Variants in CFL1 observed in about 807,000 individuals in gnomAD.
CFL1 encodes cofilin 1.
In CFL1, 2 loss-of-function variants were observed where a neutral mutation model predicts 16.3. The observed-to-expected ratio is 0.12, with a 90% CI of 0.05 to 0.39. CFL1 has a LOEUF of 0.39. CFL1 is among the 10% of genes least tolerant of loss of function. The pLI is 0.99. For synonymous variants in CFL1, 111 were observed against 84.4 expected (o/e 1.31, Z -1.73); for missense variants, 75 against 212.2 (o/e 0.35, Z 4.02).
chr11:65,857,447 G>T (rs1282226270), intron 1 of CFL1: 3 of 430,238 alleles, frequency 7.0e-6, no homozygotes, highest in Non-Finnish European at 1.4e-5. Context: ...AACGCAGCTC[G>T]TTAGATGCGC....
At chr11:65,857,469 C>T in intron 1 of CFL1, 1 of 404,958 alleles carries the variant, frequency 2.5e-6, no homozygotes, top group Non-Finnish European at 5.1e-6. Context: ...CCCGAACGGG[C>T]CGCGGTCTCT....
chr11:65,856,415 A>T (rs1859386317), intron 1 of CFL1, 173 bp from the exon 2 acceptor site: 1 of 607,826 alleles, frequency 1.6e-6, no homozygotes, highest in South Asian at 2.0e-5. Flanking sequence ...CAACCTCAGA[A>T]TGGCAGCCAT....
intron 1 of CFL1, 43 bp from the exon 2 acceptor site, chr11:65,856,285 G>GAACT: frequency 6.4e-7 from 1 of 1,574,792 alleles, no homozygotes; most frequent in Non-Finnish European, 8.7e-7. Context: ...GGATTCTAGG[G>GAACT]AACTGCCCCT....
chr11:65,854,704 T>G lies in CFL1; in HGVS notation c.*632A>C, dbSNP rs185502186. 6.6e-6 allele frequency: 1 copy of G among 152,352 alleles called. No individual in the cohort carries two copies. 9.4% of individuals were successfully genotyped at this position (152,352 alleles called of 1,614,324 possible). A position where few individuals can be genotyped will look rare whatever the true frequency, so the allele number is the denominator to read the frequency against. On this transcript the variant is annotated 3_prime_UTR_variant, in exon 4 of 4. Transcript: ENST00000308162. ...CCAGATAAGGGTGTGCAGGGGCTGG[T>G]TGGGTGTGGAGTACAGAGGAGAGAG...
chr11:65,855,542 G>A (rs1484677338), intron 3 of CFL1, 94 bp from the exon 4 acceptor site: 5 of 1,552,884 alleles, frequency 3.2e-6, no homozygotes, highest in East Asian at 4.5e-5. Context: ...GCAGATGGAA[G>A]GAACAAGCAG....
Position 65,856,108 on chromosome 11 carries a change from G to A in CFL1, c.138C>T (p.Asn46=), listed in dbSNP as rs1387253943. 5.0e-6 allele frequency: 8 copies of A among 1,614,132 alleles called. No homozygotes were observed. In the South Asian group the frequency reaches 6.6e-5, roughly 13 times the overall value. The change falls in exon 2 of 4, where the codon AAC becomes AAT. Residue 46 remains asparagine (N), a synonymous_variant. Coordinates refer to ENST00000308162, the MANE Select transcript of CFL1 (RefSeq NM_005507.3). ...TCTCCTTGCCCTCCTCCAGGATGAT[G>A]TTCTTCTTGTCCTCACTCAGGCAGA... is the stretch of plus-strand genomic sequence containing the variant. The part of the protein sequence containing the change: ...VLFCLSEDKK[N]IILEEGKEIL...
chr11:65,855,341 A>G lies in CFL1; in HGVS notation c.496T>C (p.Leu166=). The G allele has an allele frequency of 6.2e-7, 1 of 1,611,436 alleles. No individual in the cohort carries two copies. Among genetic ancestry groups the G allele is most frequent in the Non-Finnish European group, 8.5e-7 (1 of 1,179,636 alleles). ...GGCAGGGGGCCAGAAGGGGCTCACA[A>G]AGGCTTGCCCTCCAGGGAGATGACG... ...SAVISLEGKP[L] The change falls in exon 4 of 4, where the codon TTG becomes CTG. Residue 166 remains leucine, a synonymous_variant. Coordinates refer to ENST00000308162, the MANE Select transcript of CFL1 (RefSeq NM_005507.3).
Position 65,855,394 on chromosome 11 carries a change from G to A in CFL1, c.443C>T (p.Thr148Ile). The change falls in exon 4 of 4, where the codon ACC (threonine) becomes ATC (isoleucine). Residue 148 changes from threonine to isoleucine, a missense_variant. Thr to Ile is a moderately conservative substitution (Grantham distance 89). Transcript: ENST00000308162. ...ACTGCCCCCCAGCTTCTCTGCCAGG[G>A]TGCAGCGGTCCTTGACCTCCTCGTA... ...NCYEEVKDRC[T>I]LAEKLGGSAV... The A allele has an allele frequency of 6.2e-7, 1 of 1,613,136 alleles. No homozygotes were observed. The highest frequency in any genetic ancestry group is 8.5e-7 in the Non-Finnish European group (1 of 1,179,852).
chr11:65,856,312 C>G (rs1165521640), intron 1 of CFL1, 70 bp from the exon 2 acceptor site: 1 of 1,497,840 alleles, frequency 6.7e-7, no homozygotes, highest in African/African-American at 1.4e-5. Context: ...TTCAGAAGAT[C>G]TCAGTCCACG....
Position 65,855,550 on chromosome 11 carries a change from C to A in CFL1, c.389-102G>T. The stretch of plus-strand genomic sequence containing the variant: ...AATCAAAGCAGATGGAAGGAACAAG[C>A]AGGCAGCGAAGACAAGGGGGCAGAC... On this transcript the variant is annotated intron_variant, in intron 3 of 3. Coordinates refer to ENST00000308162, the MANE Select transcript of CFL1 (RefSeq NM_005507.3). 1.3e-6 allele frequency: 2 copies of A among 1,552,550 alleles called. 1 individual carries two copies. Among genetic ancestry groups the A allele is most frequent in the Middle Eastern group, 3.4e-4 (2 of 5,934 alleles).
chr11:65,855,608 C>T (rs2134706812), intron 3 of CFL1, 46 bp downstream of exon 3: 1 of 1,558,846 alleles, frequency 6.4e-7, no homozygotes, highest in East Asian at 2.3e-5. Flanking sequence ...TGCCCTGCAG[C>T]CAAGGCCAGA....
At chr11:65,856,626 C>A in intron 1 of CFL1, 1 of 248,498 alleles carries the variant, frequency 4.0e-6, no homozygotes, top group Non-Finnish European at 8.1e-6. Context: ...ATGGAGGACC[C>A]AAACACCTGA....
rs553576037 is a variant in CFL1 at position 65,855,147 on chromosome 11, C to T, written c.*189G>A. 1.3e-4 allele frequency: 77 copies of T among 570,534 alleles called. No individual in the cohort carries two copies. Among genetic ancestry groups the T allele is most frequent in the Non-Finnish European group, 3.5e-5 (11 of 317,414 alleles). 35.3% of individuals were successfully genotyped at this position (570,534 alleles called of 1,614,324 possible). A position where few individuals can be genotyped will look rare whatever the true frequency, so the allele number is the denominator to read the frequency against. On this transcript the variant is annotated 3_prime_UTR_variant, in exon 4 of 4. Transcript: ENST00000308162. Reference sequence around the variant, plus strand: ...AAAAGCAGTTTGGGAAGGCCAGAACCGTCAAGGGATGGAGGGAGAAGGAAA... The same window carrying T: ...AAAAGCAGTTTGGGAAGGCCAGAACTGTCAAGGGATGGAGGGAGAAGGAAA...
At chr11:65,856,885 CA>C (rs1199075972) in intron 1 of CFL1, 1 of 153,484 alleles carries the variant, frequency 6.5e-6, no homozygotes, top group Non-Finnish European at 1.5e-5. Flanking sequence ...ATTAACATGC[CA>C]AACTCAAGTG....
rs58523108 is a variant in CFL1, at chr11:65,857,059, G to A, written c.4-817C>T. 62 of 155,080 alleles carry A rather than the reference G, an allele frequency of 4.0e-4. 1 individual carries two copies. In the East Asian group the frequency reaches 0.01, roughly 25 times the overall value. The allele number at this position is 155,080 out of a possible 1,614,324, so 9.6% of individuals were successfully genotyped here. A position where few individuals can be genotyped will look rare whatever the true frequency, so the allele number is the denominator to read the frequency against. The stretch of plus-strand genomic sequence containing the variant: ...GACTCGGCCGCATCCGGAGTGGGCG[G>A]GGACAGGAGATCGGCTGGGCCCGGC... On this transcript the variant is annotated intron_variant, in intron 1 of 3. Coordinates refer to ENST00000308162, the MANE Select transcript of CFL1 (RefSeq NM_005507.3).
At chr11:65,857,878 A>G (rs956813560) in intron 1 of CFL1, 1 of 337,574 alleles carries the variant, frequency 3.0e-6, no homozygotes, top group East Asian at 4.6e-5. Context: ...CGGGTGGGGG[A>G]GGGGAGCCCA....
intron 1 of CFL1, chr11:65,856,895 T>G (rs1859395394): frequency 6.5e-6 from 1 of 153,354 alleles, no homozygotes; most frequent in Non-Finnish European, 1.5e-5. Flanking sequence ...CAAACTCAAG[T>G]GCCCAGAGGC....
At chr11:65,857,825 C>T in intron 1 of CFL1, 1 of 256,042 alleles carries the variant, frequency 3.9e-6, no homozygotes, top group Non-Finnish European at 7.4e-6. Context: ...GCGCGCGCCC[C>T]GAACCCCTCC....
In CFL1 at chr11:65,855,973, G is replaced by A. The variant is rs1488933935; in HGVS notation, c.273C>T (p.Thr91=). The part of the protein sequence containing the change: ...RYALYDATYE[T]KESKKEDLVF... ...CCAGATCCTCCTTCTTGCTCTCCTTGGTCTCATAGGTTGCATCATAGAGGG... is the reference window on the plus strand; with the variant it reads ...CCAGATCCTCCTTCTTGCTCTCCTTAGTCTCATAGGTTGCATCATAGAGGG... Residue 91 remains threonine, a synonymous_variant, in exon 2 of 4, where the codon ACC becomes ACT. Coordinates refer to ENST00000308162, the MANE Select transcript of CFL1 (RefSeq NM_005507.3). 1 of 1,613,748 alleles carries A rather than the reference G, an allele frequency of 6.2e-7. No homozygotes were observed. The highest frequency in any genetic ancestry group is 8.5e-7 in the Non-Finnish European group (1 of 1,179,840).
Sources: allele counts gnomAD v4.1 joint callset, GRCh38; gene constraint gnomAD v4.1.1; transcripts MANE v1.5; gene names NCBI Gene and HGNC (gene_info 2026-07-23, HGNC 2026-07-21).